ST8SIA1: variants seen among roughly 807,000 people sequenced by gnomAD.
ST8SIA1 encodes the protein ST8 alpha-N-acetyl-neuraminide alpha-2,8-sialyltransferase 1.
ST8SIA1 carries 16 observed loss-of-function variants against 35.9 expected under a neutral mutation model. That is an observed-to-expected ratio of 0.45 (90% CI 0.30 to 0.68). The LOEUF is 0.68. Ranked by LOEUF, ST8SIA1 falls within the 30% of genes least tolerant of loss-of-function variation. The pLI is 0.09. For synonymous variants in ST8SIA1, 170 were observed against 169.6 expected, an observed-to-expected ratio of 1.00 and a Z score of -0.02; for missense variants, 383 against 453.6, an observed-to-expected ratio of 0.84 and a Z score of 1.41.
At chr12:22,289,780 C>T (rs1379453833) in intron 1 of ST8SIA1, among the ~76,000 whole-genome samples, 1 of 152,146 alleles carries the variant, frequency 6.6e-6, no homozygotes, top group African/African-American at 2.4e-5. Flanking sequence ...TTGTCACAGC[C>T]ATATAGCACC....
At position 22,334,223 on chromosome 12, in the gene ST8SIA1, AG is replaced by A; in HGVS notation, c.9del (p.Cys4AlafsTer91). On this transcript the variant is annotated frameshift_variant, in exon 1 of 5. Transcript: ENST00000396037. LOFTEE classifies it high-confidence loss of function. Reference sequence around the variant, plus strand: ...GACGTTTGTCGCCGGGCCCGCCCGCAGGGGCTCATCGCAGCCCCGGCGTCCC... The same window carrying A: ...GACGTTTGTCGCCGGGCCCGCCCGCAGGGCTCATCGCAGCCCCGGCGTCCC... MS[P>X]CGRARRQTSR... 6.2e-7 allele frequency: 1 copy of A among 1,611,644 alleles called. No individual in the cohort carries two copies. The highest frequency in any genetic ancestry group is 8.5e-7 in the Non-Finnish European group (1 of 1,179,040).
At chr12:22,214,744 C>A (rs193004922) in intron 4 of ST8SIA1, among the ~76,000 whole-genome samples, 9 of 152,174 alleles carry the variant, frequency 5.9e-5, no homozygotes. Flanking sequence ...ATCAAAAGAT[C>A]TATAATTAAA....
intron 3 of ST8SIA1, among the ~76,000 whole-genome samples, chr12:22,254,598 T>C (rs1380069264): frequency 1.3e-5 from 2 of 152,254 alleles, no homozygotes; most frequent in African/African-American, 4.8e-5. Context: ...CTGGTAAGCA[T>C]GTCTGGGCAG....
intron 1 of ST8SIA1, among the ~76,000 whole-genome samples, chr12:22,297,709 T>C (rs1450509088): frequency 6.6e-6 from 1 of 152,184 alleles, no homozygotes; most frequent in Non-Finnish European, 1.5e-5. Flanking sequence ...TAGCTGAATC[T>C]TATTCTGGGA....
rs1178783751 is a variant in ST8SIA1, at chr12:22,197,580, A to C, written c.*3972T>G. 6.6e-6 allele frequency: 1 copy of C among 152,216 alleles called. No homozygotes were observed. The highest frequency in any genetic ancestry group is 1.9e-4 in the East Asian group (1 of 5,206). 9.4% of individuals were successfully genotyped at this position (152,216 alleles called of 1,614,324 possible). A position where few individuals can be genotyped will look rare whatever the true frequency, so the allele number is the denominator to read the frequency against. The stretch of plus-strand genomic sequence containing the variant: ...CTGCTGACGAAAAGAAATGTTATCA[A>C]TATTGTTTCCATTTTGGATCATCTA... On this transcript the variant is annotated 3_prime_UTR_variant, in exon 5 of 5. Transcript: ENST00000396037.
chr12:22,264,532 C>T (rs1286953597), intron 2 of ST8SIA1, among the ~76,000 whole-genome samples: 2 of 152,128 alleles, frequency 1.3e-5, no homozygotes, highest in South Asian at 4.1e-4. Context: ...ATTTAACTAG[C>T]CCCTTGGCAG....
chr12:22,231,831 C>G (rs1288395821), intron 4 of ST8SIA1, among the ~76,000 whole-genome samples: 1 of 152,022 alleles, frequency 6.6e-6, no homozygotes, highest in Non-Finnish European at 1.5e-5. Context: ...CCTCAGCCTC[C>G]CAAAGAATTG....
intron 2 of ST8SIA1, among the ~76,000 whole-genome samples, chr12:22,270,377 G>A (rs1865898401): frequency 6.6e-6 from 1 of 152,136 alleles, no homozygotes; most frequent in African/African-American, 2.4e-5. Flanking sequence ...CCACAAAATT[G>A]AATCAAATTG....
intron 4 of ST8SIA1, among the ~76,000 whole-genome samples, chr12:22,202,959 T>G (rs1212838018): frequency 6.6e-6 from 1 of 152,204 alleles, no homozygotes; most frequent in East Asian, 1.9e-4. Context: ...GCGGCAGCAG[T>G]GGCTGAAGAC....
At chr12:22,301,129 CT>C (rs1478909717) in intron 1 of ST8SIA1, among the ~76,000 whole-genome samples, 3 of 151,882 alleles carry the variant, frequency 2.0e-5, no homozygotes, top group East Asian at 1.9e-4. Context: ...TGCCCTAAAA[CT>C]TTTTGTCATC....
intron 4 of ST8SIA1, among the ~76,000 whole-genome samples, chr12:22,233,853 T>C (rs1865445815): frequency 6.6e-6 from 1 of 152,236 alleles, no homozygotes; most frequent in Non-Finnish European, 1.5e-5. Flanking sequence ...TATTTTCTTT[T>C]ATGTGCCATG....
intron 2 of ST8SIA1, among the ~76,000 whole-genome samples, chr12:22,261,671 T>C (rs932990556): frequency 7.9e-5 from 12 of 152,194 alleles, no homozygotes; most frequent in Admixed American, 2.6e-4. Context: ...GTAATGAATA[T>C]ATAAATTAAT....
chr12:22,201,420 T>C lies in ST8SIA1; in HGVS notation c.*132A>G. The stretch of plus-strand genomic sequence containing the variant: ...CGCTGAAAGTAAAGTTTTGCTTGGA[T>C]CTTCATTGCTCCTTTCCTGTTTTTC... On this transcript the variant is annotated 3_prime_UTR_variant, in exon 5 of 5. Transcript: ENST00000396037. The C allele has an allele frequency of 6.3e-6, 8 of 1,269,322 alleles. No homozygotes were observed. The highest frequency in any genetic ancestry group is 8.6e-6 in the Non-Finnish European group (8 of 931,266). 78.6% of individuals were successfully genotyped at this position (1,269,322 alleles called of 1,614,324 possible).
At chr12:22,295,520 C>G (rs1303317255) in intron 1 of ST8SIA1, among the ~76,000 whole-genome samples, 3 of 152,090 alleles carry the variant, frequency 2.0e-5, no homozygotes, top group Non-Finnish European at 2.9e-5. Context: ...ACAGCTTGAG[C>G]CCAGGAGTTT....
chr12:22,252,784 C>T (rs377145519), intron 3 of ST8SIA1, among the ~76,000 whole-genome samples: 1 of 152,186 alleles, frequency 6.6e-6, no homozygotes, highest in Non-Finnish European at 1.5e-5. Context: ...TTCTATGGTG[C>T]CTAAGCCTAG....
intron 4 of ST8SIA1, among the ~76,000 whole-genome samples, chr12:22,239,794 G>C (rs1277246181): frequency 6.6e-6 from 1 of 152,138 alleles, no homozygotes; most frequent in African/African-American, 2.4e-5. Flanking sequence ...GTGTGCTTCT[G>C]TTGGAAGCCA....
intron 4 of ST8SIA1, among the ~76,000 whole-genome samples, chr12:22,219,114 G>T (rs1012993799): frequency 1.3e-5 from 2 of 151,980 alleles, no homozygotes; most frequent in Non-Finnish European, 2.9e-5. Context: ...ATTTGCATTA[G>T]CATTGAAAGC....
rs919836064 is a variant in ST8SIA1 at position 22,287,061 on chromosome 12, T to C, written c.381+88A>G. On this transcript the variant is annotated intron_variant, in intron 2 of 4. Coordinates refer to ENST00000396037, the MANE Select transcript of ST8SIA1 (RefSeq NM_003034.4). ...GAAGAAAGAAAACAAAAAGTCAATC[T>C]GATGAGTAAGGCAAACTCAATTATC... 9.5e-6 allele frequency: 12 copies of C among 1,268,072 alleles called. No individual in the cohort carries two copies. The Admixed American group carries it at 1.6e-4, about 17-fold the overall frequency. 78.6% of individuals were successfully genotyped at this position (1,268,072 alleles called of 1,614,324 possible).
chr12:22,209,404 C>T (rs551300640), intron 4 of ST8SIA1, among the ~76,000 whole-genome samples: 6 of 152,238 alleles, frequency 3.9e-5, no homozygotes, highest in East Asian at 1.9e-4. Flanking sequence ...AAAATAAGCA[C>T]GACCTCACTC....
Sources: allele counts gnomAD v4.1 joint callset (sites outside exome capture counted in the v4.1 genomes callset), GRCh38; gene constraint gnomAD v4.1.1; transcripts MANE v1.5; gene names NCBI Gene and HGNC (gene_info 2026-07-23, HGNC 2026-07-21).